The following NOP58 variants were observed in gnomAD, a reference collection of about 807,000 sequenced individuals.
NOP58 encodes nucleolar protein 58.
Under a neutral mutation model 71.2 loss-of-function variants are expected in NOP58, and 44 were observed. The ratio of observed to expected loss-of-function variants is 0.62; its 90% CI spans 0.49 to 0.79. The LOEUF is 0.79. NOP58 is among the 30% of genes least tolerant of loss of function. The pLI is 0.00. For synonymous variants in NOP58, 228 were observed against 200.3 expected (o/e 1.14, Z -1.17); for missense variants, 538 against 620.2 (o/e 0.87, Z 1.41).
Position 202,297,863 on chromosome 2 carries a change from A to C in NOP58, c.1225A>C (p.Thr409Pro). ...EDRGIRKISG[T>P]GKALAKTEKY... is the part of the protein sequence containing the mutation. ...TTCTTAGATAAGAAAAATAAGTGGA[A>C]CAGGAAAAGCATTAGCAAAAACAGA... The change falls in exon 12 of 15, where the codon ACA (threonine) becomes CCA (proline). Residue 409 changes from threonine to proline, a missense_variant. By Grantham distance (38) the Thr-to-Pro change is conservative. Coordinates refer to ENST00000264279, the MANE Select transcript of NOP58 (RefSeq NM_015934.5). The C allele has an allele frequency of 6.3e-7, 1 of 1,582,560 alleles. No individual in the cohort carries two copies. Among genetic ancestry groups the C allele is most frequent in the Non-Finnish European group, 8.6e-7 (1 of 1,163,324 alleles).
rs532819155 is a variant in NOP58, at chr2:202,299,159, C to T, written c.1269-1075C>T. Among the ~76,000 whole-genome samples the T allele has an allele frequency of 1.3e-4, 20 of 152,048 alleles. No individual in the cohort carries two copies. The South Asian group carries it at 2.1e-3, about 16-fold the overall frequency. Reference sequence around the variant, plus strand: ...ATTTTTAGTAGAGTCGGGGTTTCATCATGTTGGCCAGGATGGTCTTGATCT... The same window carrying T: ...ATTTTTAGTAGAGTCGGGGTTTCATTATGTTGGCCAGGATGGTCTTGATCT... On this transcript the variant is annotated intron_variant, in intron 12 of 14. Coordinates refer to ENST00000264279, the MANE Select transcript of NOP58 (RefSeq NM_015934.5).
Position 202,303,409 on chromosome 2 carries a change from G to T in NOP58, c.1563G>T (p.Lys521Asn). Residue 521 changes from lysine (K) to asparagine (N), a missense_variant, in exon 15 of 15, where the codon AAG becomes AAT. By Grantham distance (94) the Lys-to-Asn change is moderately conservative. Coordinates refer to ENST00000264279, the MANE Select transcript of NOP58 (RefSeq NM_015934.5). ...AIASPEKKKKKKKKRENED is the reference protein window; with the variant it reads ...AIASPEKKKKNKKKRENED Reference sequence around the variant, plus strand: ...AGAGTCCAGAGAAAAAGAAGAAAAAGAAAAAAAAGAGAGAGAACGAGGATT... The same window carrying T: ...AGAGTCCAGAGAAAAAGAAGAAAAATAAAAAAAAGAGAGAGAACGAGGATT... 1 of 1,609,836 alleles carries T rather than the reference G, an allele frequency of 6.2e-7. No individual in the cohort carries two copies. The highest frequency in any genetic ancestry group is 8.5e-7 in the Non-Finnish European group (1 of 1,177,922).
At chr2:202,303,361 A>G (rs751397864) in intron 14 of NOP58, 25 bp from the exon 15 acceptor site, 94 of 1,611,062 alleles carry the variant, frequency 5.8e-5, no homozygotes, top group Non-Finnish European at 7.4e-5. Flanking sequence ...AGCTCTTTCA[A>G]AGCATTCTTG....
chr2:202,285,397 G>C (rs534866418), intron 5 of NOP58, among the ~76,000 whole-genome samples: 2 of 144,196 alleles, frequency 1.4e-5, no homozygotes, highest in South Asian at 4.5e-4. Flanking sequence ...TGCTCAGGCT[G>C]GGGTGCAGTG....
chr2:202,267,859 G>C (rs1263269571), intron 1 of NOP58, among the ~76,000 whole-genome samples: 1 of 152,184 alleles, frequency 6.6e-6, no homozygotes, highest in Admixed American at 6.5e-5. Context: ...AAATGTCTTT[G>C]AGTATTCCGT....
rs200416852 is a variant in NOP58, at chr2:202,300,220, T to C, written c.1269-14T>C. 3.1e-3 allele frequency: 4,834 copies of C among 1,571,232 alleles called. 10 individuals are homozygous for C. Among genetic ancestry groups the C allele is most frequent in the Non-Finnish European group, 4.0e-3 (4,625 of 1,169,034 alleles). On this transcript the variant is annotated splice_polypyrimidine_tract_variant and intron_variant, in intron 12 of 14. Transcript: ENST00000264279. Reference sequence around the variant, plus strand: ...ACTTGTTAGAGATTTTCTAAAACTTTTTGGGTCTTTCAGTGAAGTGAAGAC... The same window carrying C: ...ACTTGTTAGAGATTTTCTAAAACTTCTTGGGTCTTTCAGTGAAGTGAAGAC...
chr2:202,298,594 C>T (rs1318626514), intron 12 of NOP58, among the ~76,000 whole-genome samples: 1 of 152,150 alleles, frequency 6.6e-6, no homozygotes, highest in Non-Finnish European at 1.5e-5. Flanking sequence ...GATCGCGCCC[C>T]TGCACTCCAG....
In NOP58 at chr2:202,294,854, C is replaced by G. The variant is rs184088621; in HGVS notation, c.908-820C>G. On this transcript the variant is annotated intron_variant, in intron 9 of 14. Transcript: ENST00000264279. ...TAGTGGTGGGTGCCTGTAATCCCAGCTACTCGGAGGCTGAGGCAGAGAATT... is the reference window on the plus strand; with the variant it reads ...TAGTGGTGGGTGCCTGTAATCCCAGGTACTCGGAGGCTGAGGCAGAGAATT... Among the ~76,000 whole-genome samples, 10 of 152,004 alleles carry G rather than the reference C, an allele frequency of 6.6e-5. No homozygotes were observed. In the East Asian group the frequency reaches 1.9e-3, roughly 29 times the overall value.
At position 202,282,466 on chromosome 2, in the gene NOP58, C is replaced by T. The variant is rs774989426; in HGVS notation, c.291C>T (p.Val97=). Residue 97 remains valine (V), a synonymous_variant, in exon 4 of 15, where the codon GTC becomes GTT. Coordinates refer to ENST00000264279, the MANE Select transcript of NOP58 (RefSeq NM_015934.5). The stretch of plus-strand genomic sequence containing the variant: ...TAGCTGATGCTAAACTAGGAGGGGT[C>T]ATAAAGGTAAAGTCACGATATTTTT... ...LAVADAKLGG[V]IKEKLNLSCI... is the part of the protein sequence containing the mutation. 5 of 1,607,258 alleles carry T rather than the reference C, an allele frequency of 3.1e-6. No individual in the cohort carries two copies. Among genetic ancestry groups the T allele is most frequent in the Admixed American group, 1.7e-5 (1 of 57,740 alleles).
Position 202,291,146 on chromosome 2 carries a change from C to A in NOP58, c.656C>A (p.Ser219Tyr). 1 of 1,610,956 alleles carries A rather than the reference C, an allele frequency of 6.2e-7. No individual in the cohort carries two copies. Among genetic ancestry groups the A allele is most frequent in the Non-Finnish European group, 8.5e-7 (1 of 1,179,190 alleles). ...ATAGGCGATAGGAAGAACTATGCCT[C>A]TGCCAAGCTTTCTGAGTTGCTGCCA... ...QKVGDRKNYA[S>Y]AKLSELLPEE... Residue 219 changes from serine to tyrosine, a missense_variant, in exon 8 of 15, where the codon TCT becomes TAT. Transcript: ENST00000264279.
At chr2:202,278,170 A>C in intron 3 of NOP58, 168 bp downstream of exon 3, 1 of 716,968 alleles carries the variant, frequency 1.4e-6, no homozygotes, top group Non-Finnish European at 2.6e-6. Flanking sequence ...CTCATTCGTC[A>C]CTACCACTGA....
Position 202,295,786 on chromosome 2 carries a change from C to G in NOP58, c.1020C>G (p.Leu340=), listed in dbSNP as rs769482503. Residue 340 remains leucine, a synonymous_variant, in exon 10 of 15, where the codon CTC becomes CTG. Coordinates refer to ENST00000264279, the MANE Select transcript of NOP58 (RefSeq NM_015934.5). The part of the protein sequence containing the change: ...KSRRDTPKYG[L]IYHASLVGQT... ...GACGGGATACCCCTAAGTATGGTCT[C>G]ATTTATCATGCTTCACTCGTGGGCC... 15 of 1,607,838 alleles carry G rather than the reference C, an allele frequency of 9.3e-6. No individual in the cohort carries two copies. The Middle Eastern group carries it at 8.3e-4, about 88-fold the overall frequency.
intron 1 of NOP58, among the ~76,000 whole-genome samples, chr2:202,274,234 TA>T (rs1307982580): frequency 1.3e-5 from 2 of 152,088 alleles, no homozygotes; most frequent in African/African-American, 4.8e-5. Context: ...TTTTTTGTTT[TA>T]TTTTTTTGAG....
At chr2:202,270,673 G>C (rs1006460414) in intron 1 of NOP58, among the ~76,000 whole-genome samples, 1 of 152,050 alleles carries the variant, frequency 6.6e-6, no homozygotes, top group African/African-American at 2.4e-5. Flanking sequence ...GCTGAGGTGG[G>C]AGGGAGGTCA....
chr2:202,286,837 G>T (rs945943580), intron 5 of NOP58, among the ~76,000 whole-genome samples: 19 of 152,152 alleles, frequency 1.2e-4, no homozygotes. Flanking sequence ...GTATCTGGTG[G>T]ATAAAAGTTA....
Position 202,291,225 on chromosome 2 carries a change from G to C in NOP58, c.735G>C (p.Glu245Asp), listed in dbSNP as rs753127514. ...CTGCAGAGATATCAATGGGAACAGA[G>C]GTTTCAGAAGAAGATATTTGCAATA... is the stretch of plus-strand genomic sequence containing the variant. ...KAAAEISMGTEVSEEDICNIL... is the reference protein window; with the variant it reads ...KAAAEISMGTDVSEEDICNIL... The change falls in exon 8 of 15, where the codon GAG (glutamate) becomes GAC (aspartate). Residue 245 changes from glutamate to aspartate, a missense_variant. Physicochemically the swap from Glu to Asp is conservative, Grantham distance 45. Transcript: ENST00000264279. 17 of 1,610,472 alleles carry C rather than the reference G, an allele frequency of 1.1e-5. No individual in the cohort carries two copies. The highest frequency in any genetic ancestry group is 1.4e-5 in the Non-Finnish European group (17 of 1,179,176).
At chr2:202,294,363 G>A (rs921191167) in intron 9 of NOP58, among the ~76,000 whole-genome samples, 22 of 148,120 alleles carry the variant, frequency 1.5e-4, no homozygotes, top group South Asian at 2.2e-4. Flanking sequence ...AAAGAACTAT[G>A]TATTTGTTAC....
chr2:202,266,571 C>T (rs146415462), intron 1 of NOP58, among the ~76,000 whole-genome samples: 6,017 of 152,244 alleles, frequency 0.04, 427 homozygotes, highest in African/African-American at 0.14. Flanking sequence ...CTGCCTCGGC[C>T]TCCCAAAGTG....
At chr2:202,292,627 A>AAT in intron 8 of NOP58, 150 bp from the exon 9 acceptor site, 1 of 604,292 alleles carries the variant, frequency 1.7e-6, no homozygotes, top group Non-Finnish European at 2.8e-6. Flanking sequence ...AAAAAAAAAA[A>AAT]GAAAACTGAT....
Sources: gnomAD v4.1 joint callset for allele counts (sites outside exome capture counted in the v4.1 genomes callset) on GRCh38, gnomAD v4.1.1 for gene constraint, MANE v1.5 for transcripts, NCBI Gene and HGNC (gene_info 2026-07-23, HGNC 2026-07-21) for gene names.